The following RRP1 variants were observed in gnomAD, a reference collection of about 807,000 sequenced individuals.
The protein encoded by RRP1 is ribosomal RNA processing 1, also known as ribosomal RNA processing protein 1 homolog A.
In RRP1, 37 loss-of-function variants were observed where a neutral mutation model predicts 54.6. The ratio of observed to expected loss-of-function variants is 0.68; its 90% CI spans 0.52 to 0.89. The LOEUF is 0.89. Ranked by LOEUF, RRP1 falls within the 40% of genes least tolerant of loss-of-function variation. The pLI is 0.00. For synonymous variants in RRP1, 262 were observed against 244.3 expected (o/e 1.07, Z -0.67); for missense variants, 639 against 612.5 (o/e 1.04, Z -0.46).
At chr21:43,799,097 C>A (rs1257348088) in intron 8 of RRP1, among the ~76,000 whole-genome samples, 1 of 152,136 alleles carries the variant, frequency 6.6e-6, no homozygotes, top group Non-Finnish European at 1.5e-5. Flanking sequence ...AAAAACCTTT[C>A]TTCTGCAGAC....
At chr21:43,802,613 C>A in intron 12 of RRP1, 1 of 525,640 alleles carries the variant, frequency 1.9e-6, no homozygotes, top group Non-Finnish European at 3.5e-6. Context: ...CTCCCCCGAG[C>A]TGTGTGCGCT....
rs1367695860 is a variant in RRP1 at position 43,789,691 on chromosome 21, A to T, written c.62A>T (p.Glu21Val). ...CTGGCTCAGCGCCTGGCGGGGAATG[A>T]GCAGGTGACCCGGGACCGGGCGGTG... is the stretch of plus-strand genomic sequence containing the variant. ...IQLAQRLAGNEQVTRDRAVRK... is the reference protein window; with the variant it reads ...IQLAQRLAGNVQVTRDRAVRK... The change falls in exon 1 of 13, where the codon GAG becomes GTG. Residue 21 changes from glutamate to valine, a missense_variant. Glu to Val is a moderately radical substitution (Grantham distance 121, BLOSUM62 -2). Coordinates refer to ENST00000497547, the MANE Select transcript of RRP1 (RefSeq NM_003683.6). The T allele has an allele frequency of 6.4e-7, 1 of 1,564,734 alleles. No individual in the cohort carries two copies. Among genetic ancestry groups the T allele is most frequent in the Non-Finnish European group, 8.6e-7 (1 of 1,156,118 alleles).
chr21:43,797,746 A>G (rs1006981991), intron 7 of RRP1, 51 bp downstream of exon 7: 3 of 1,602,644 alleles, frequency 1.9e-6, no homozygotes, highest in Admixed American at 3.3e-5. Context: ...GAGTTCTTCC[A>G]TGGGGCTGCT....
In RRP1 at chr21:43,790,036, G is replaced by T. The variant is rs184959354; in HGVS notation, c.133+274G>T. 3.6e-3 allele frequency among the ~76,000 whole-genome samples: 542 copies of T among 152,340 alleles called. 4 individuals are homozygous for T. Among genetic ancestry groups the T allele is most frequent in the African/African-American group, 0.013 (521 of 41,574 alleles). Reference sequence around the variant, plus strand: ...CTAGCTCAGGCGTCCCCTCCCTCCAGTAGACCATGTACTCCTGCTGCCCTG... The same window carrying T: ...CTAGCTCAGGCGTCCCCTCCCTCCATTAGACCATGTACTCCTGCTGCCCTG... On this transcript the variant is annotated intron_variant, in intron 1 of 12. Transcript: ENST00000497547.
Position 43,793,659 on chromosome 21 carries a change from A to G in RRP1, c.360+255A>G, listed in dbSNP as rs559672038. On this transcript the variant is annotated intron_variant, in intron 4 of 12. Transcript: ENST00000497547. ...CACAAACTTTTGGTTCAGAGAAGGA[A>G]AGTGACGATTGCTCTCCTGGTGAGA... is the stretch of plus-strand genomic sequence containing the variant. Among the ~76,000 whole-genome samples the G allele has an allele frequency of 3.2e-4, 48 of 152,342 alleles. No homozygotes were observed. In the Middle Eastern group the frequency reaches 0.01, roughly 32 times the overall value.
rs529322664 is a variant in RRP1 at position 43,801,439 on chromosome 21, C to T, written c.1009+558C>T. On this transcript the variant is annotated intron_variant, in intron 11 of 12. Coordinates refer to ENST00000497547, the MANE Select transcript of RRP1 (RefSeq NM_003683.6). ...AGCATCACACCCCTGCATCCGCCAGCGGGCGCGTCATCAGCTGTAGTCCAG... is the reference window on the plus strand; with the variant it reads ...AGCATCACACCCCTGCATCCGCCAGTGGGCGCGTCATCAGCTGTAGTCCAG... Among the ~76,000 whole-genome samples the T allele has an allele frequency of 1.1e-4, 16 of 152,328 alleles. No individual in the cohort carries two copies. The South Asian group carries it at 2.1e-3, about 20-fold the overall frequency.
intron 9 of RRP1, among the ~76,000 whole-genome samples, chr21:43,799,954 TG>T (rs1335014970): frequency 6.6e-6 from 1 of 152,140 alleles, no homozygotes; most frequent in Non-Finnish European, 1.5e-5. Context: ...GCCTCACACA[TG>T]GGCAGCCCCC....
intron 2 of RRP1, 132 bp from the exon 3 acceptor site, chr21:43,792,535 ACTGAG>A: frequency 3.6e-6 from 3 of 825,310 alleles, no homozygotes; most frequent in Non-Finnish European, 6.1e-6. Flanking sequence ...CCTCCAGTGC[ACTGAG>A]CTGAGACCCC....
intron 12 of RRP1, 89 bp downstream of exon 12, chr21:43,802,476 CT>C (rs1569018647): frequency 9.7e-7 from 1 of 1,029,144 alleles, no homozygotes; most frequent in Admixed American, 1.9e-5. Context: ...GTGTCTCCCC[CT>C]GAAGCATGAG....
Position 43,797,562 on chromosome 21 carries a change from G to T in RRP1, c.552+11G>T, listed in dbSNP as rs2123415080. 1 of 1,613,996 alleles carries T rather than the reference G, an allele frequency of 6.2e-7. No homozygotes were observed. Among genetic ancestry groups the T allele is most frequent in the Non-Finnish European group, 8.5e-7 (1 of 1,179,884 alleles). On this transcript the variant is annotated intron_variant, in intron 6 of 12. Coordinates refer to ENST00000497547, the MANE Select transcript of RRP1 (RefSeq NM_003683.6). Reference sequence around the variant, plus strand: ...GTGGGCGCCGAGGAGGTGAGGCTGGGCTCCGACGGGGCGGTGGAGCTGGGC... The same window carrying T: ...GTGGGCGCCGAGGAGGTGAGGCTGGTCTCCGACGGGGCGGTGGAGCTGGGC...
intron 5 of RRP1, 146 bp from the exon 6 acceptor site, chr21:43,797,276 G>C (rs1195533937): frequency 7.3e-7 from 1 of 1,363,010 alleles, no homozygotes; most frequent in African/African-American, 1.5e-5. Context: ...TCATCTGCGT[G>C]GACTTTAAGG....
chr21:43,797,906 G>A lies in RRP1; in HGVS notation c.618-1G>A. 6.2e-7 allele frequency: 1 copy of A among 1,613,306 alleles called. No homozygotes were observed. Among genetic ancestry groups the A allele is most frequent in the Non-Finnish European group, 8.5e-7 (1 of 1,179,412 alleles). ...TCACCGGCCTCTGCTCTGCCCCTCAGTTCCTTGGTTTTGAACAACATCACT... is the reference window on the plus strand; with the variant it reads ...TCACCGGCCTCTGCTCTGCCCCTCAATTCCTTGGTTTTGAACAACATCACT... On this transcript the variant is annotated splice_acceptor_variant, in intron 7 of 12. Coordinates refer to ENST00000497547, the MANE Select transcript of RRP1 (RefSeq NM_003683.6). LOFTEE classifies it high-confidence loss of function.
chr21:43,789,865 C>T lies in RRP1; in HGVS notation c.133+103C>T, dbSNP rs538683254. ...GGGGGCCCTCCGAGCCCTGTGGAACCTCCACGTGGCCGGGCCGGGCAGGCG... is the reference window on the plus strand; with the variant it reads ...GGGGGCCCTCCGAGCCCTGTGGAACTTCCACGTGGCCGGGCCGGGCAGGCG... On this transcript the variant is annotated intron_variant, in intron 1 of 12. Coordinates refer to ENST00000497547, the MANE Select transcript of RRP1 (RefSeq NM_003683.6). 7.8e-4 allele frequency: 1,028 copies of T among 1,321,690 alleles called. 2 individuals are homozygous for T. Among genetic ancestry groups the T allele is most frequent in the Middle Eastern group, 1.9e-3 (7 of 3,622 alleles). The allele number at this position is 1,321,690 out of a possible 1,614,324, so 81.9% of individuals were successfully genotyped here.
At chr21:43,797,214 C>A in intron 5 of RRP1, 1 of 698,692 alleles carries the variant, frequency 1.4e-6, no homozygotes, top group Non-Finnish European at 2.3e-6. Flanking sequence ...GGTCACATAA[C>A]TCCCTAACTG....
intron 8 of RRP1, 139 bp downstream of exon 8, chr21:43,798,239 GA>G: frequency 1.4e-6 from 1 of 727,792 alleles, no homozygotes; most frequent in Non-Finnish European, 2.2e-6. Context: ...CCTCAGCATA[GA>G]AGCCAGAGTG....
chr21:43,790,738 G>C (rs974298879), intron 1 of RRP1: 1 of 289,750 alleles, frequency 3.5e-6, no homozygotes, highest in African/African-American at 2.2e-5. Context: ...CTGGCACCGT[G>C]CGGCCAGGCC....
At chr21:43,799,675 G>C in intron 9 of RRP1, 26 bp downstream of exon 9, 2 of 1,594,694 alleles carry the variant, frequency 1.3e-6, no homozygotes, top group African/African-American at 1.3e-5. Flanking sequence ...TCATGGCTGT[G>C]CCCTCAGCCT....
chr21:43,802,974 G>A (rs1025683110), intron 12 of RRP1, among the ~76,000 whole-genome samples: 1 of 152,252 alleles, frequency 6.6e-6, no homozygotes, highest in African/African-American at 2.4e-5. Flanking sequence ...TGGCAAGAAT[G>A]GGGTGCAGAG....
intron 8 of RRP1, 117 bp from the exon 9 acceptor site, chr21:43,799,453 T>C: frequency 9.2e-7 from 1 of 1,087,868 alleles, no homozygotes; most frequent in Non-Finnish European, 1.4e-6. Flanking sequence ...TCCCGGGTGT[T>C]TCCCGCCTGT....
Sources: gnomAD v4.1 joint callset for allele counts (sites outside exome capture counted in the v4.1 genomes callset) on GRCh38, gnomAD v4.1.1 for gene constraint, MANE v1.5 for transcripts, NCBI Gene and HGNC (gene_info 2026-07-23, HGNC 2026-07-21) for gene names.